ABHD2: variants seen among roughly 807,000 people sequenced by gnomAD.
ABHD2 encodes abhydrolase domain containing 2, acylglycerol lipase, also known as monoacylglycerol lipase ABHD2.
A neutral mutation model predicts 48.1 loss-of-function variants in ABHD2; 20 were observed. That is an observed-to-expected ratio of 0.42 (90% CI 0.29 to 0.60). ABHD2 has a LOEUF of 0.60. Among genes scored for constraint, ABHD2 ranks in the 20% least tolerant of loss-of-function variants. The probability of loss-of-function intolerance (pLI) is 0.24; values close to 1 mark genes in which losing one functional copy is unlikely to be tolerated. For synonymous variants in ABHD2, 209 were observed against 214.2 expected, an observed-to-expected ratio of 0.98 and a Z score of 0.21; for missense variants, 405 against 550.9, an observed-to-expected ratio of 0.74 and a Z score of 2.65.
the ABHD2 span, among the ~76,000 whole-genome samples, chr15:89,062,022 CAG>C: frequency 6.6e-6 from 1 of 152,140 alleles, no homozygotes; most frequent in Non-Finnish European, 1.5e-5. Flanking sequence ...AGTGAGGGAA[CAG>C]TAGGCCAGGC....
chr15:89,191,225 G>C, intron 9 of ABHD2, 76 bp downstream of exon 9: 1 of 1,465,296 alleles, frequency 6.8e-7, no homozygotes, highest in Non-Finnish European at 9.4e-7. Flanking sequence ...TACCTCTCCT[G>C]AATTTTCCTG....
At position 89,159,399 on chromosome 15, in the gene ABHD2, A is replaced by G. The variant is rs936772048; in HGVS notation, c.538+3865A>G. 2.0e-5 allele frequency among the ~76,000 whole-genome samples: 3 copies of G among 152,166 alleles called. No homozygotes were observed. In the East Asian group the frequency reaches 5.8e-4, roughly 29 times the overall value. On this transcript the variant is annotated intron_variant, in intron 5 of 10. Transcript: ENST00000352732. The stretch of plus-strand genomic sequence containing the variant: ...CTCAAAAAAAAAGGAATTACAATAC[A>G]GTGTGATGAGTGGACTAACACAGCG...
At position 89,155,297 on chromosome 15, in the gene ABHD2, A is replaced by C. The variant is rs2050653788; in HGVS notation, c.371-70A>C. 1.3e-6 allele frequency: 2 copies of C among 1,500,858 alleles called. No homozygotes were observed. The highest frequency in any genetic ancestry group is 2.4e-5 in the South Asian group (2 of 82,048). 93.0% of individuals were successfully genotyped at this position (1,500,858 alleles called of 1,614,324 possible). A position where few individuals can be genotyped will look rare whatever the true frequency, so the allele number is the denominator to read the frequency against. On this transcript the variant is annotated intron_variant, in intron 4 of 10. Transcript: ENST00000352732. The surrounding 1 kb of genome is among the most constrained non-coding windows in gnomAD (Gnocchi z 4.9). ...CCTCCCCTTGTTTTCTAGACCAGTG[A>C]AGTGTAATTATGTCCATTTATCATG...
intron 3 of ABHD2, among the ~76,000 whole-genome samples, chr15:89,140,671 C>T (rs1429464131): frequency 1.3e-5 from 2 of 152,128 alleles, no homozygotes; most frequent in African/African-American, 4.8e-5. Flanking sequence ...GCACAGGCCC[C>T]CCCTGTGTGT....
At position 89,120,853 on chromosome 15, in the gene ABHD2, A is replaced by G. The variant is rs2050038988; in HGVS notation, c.194+4332A>G. On this transcript the variant is annotated intron_variant, in intron 3 of 10. Transcript: ENST00000352732. The surrounding 1 kb of genome is among the most constrained non-coding windows in gnomAD (Gnocchi z 4.2). The stretch of plus-strand genomic sequence containing the variant: ...GCAGAAAACCTCCCACGTGAAAAAA[A>G]AAATTATAATTCTACCCAGAGATAA... 1 of 152,252 alleles carries G rather than the reference A, an allele frequency of 6.6e-6. No individual in the cohort carries two copies. The highest frequency in any genetic ancestry group is 1.5e-5 in the Non-Finnish European group (1 of 68,044). The allele number at this position is 152,252 out of a possible 1,614,324, so 9.4% of individuals were successfully genotyped here.
chr15:89,103,576 C>T (rs1032975386), intron 1 of ABHD2, among the ~76,000 whole-genome samples: 1 of 152,158 alleles, frequency 6.6e-6, no homozygotes, highest in Non-Finnish European at 1.5e-5. Flanking sequence ...GCCTCAAAAT[C>T]CTCCAAAAGT....
chr15:89,172,173 C>T (rs555642833), intron 5 of ABHD2, among the ~76,000 whole-genome samples: 9 of 152,188 alleles, frequency 5.9e-5, no homozygotes, highest in Middle Eastern at 3.4e-3. Context: ...AAAATTTCAT[C>T]CTAACCATTT....
Position 89,151,046 on chromosome 15 carries a change from T to A in ABHD2, c.195-631T>A, listed in dbSNP as rs549249516. On this transcript the variant is annotated intron_variant, in intron 3 of 10. Transcript: ENST00000352732. This position sits in a 1 kb window ranked among gnomAD's most constrained non-coding sequence, Gnocchi z 4.7. Reference sequence around the variant, plus strand: ...TGTTAGCGAGGCTTCATGCCTTGCGTAGGCTAACAAGCCTTTATCCTTAAT... The same window carrying A: ...TGTTAGCGAGGCTTCATGCCTTGCGAAGGCTAACAAGCCTTTATCCTTAAT... 1.4e-4 allele frequency among the ~76,000 whole-genome samples: 22 copies of A among 152,392 alleles called. No homozygotes were observed. Among genetic ancestry groups the A allele is most frequent in the African/African-American group, 4.6e-4 (19 of 41,600 alleles).
At chr15:89,181,842 C>T (rs2051120954) in intron 6 of ABHD2, among the ~76,000 whole-genome samples, 2 of 152,218 alleles carry the variant, frequency 1.3e-5, no homozygotes, top group South Asian at 4.1e-4. Flanking sequence ...TCAGCTCTTC[C>T]TTGCCCAAGT....
chr15:89,136,613 C>A, intron 3 of ABHD2: 1 of 180,984 alleles, frequency 5.5e-6, no homozygotes, highest in Non-Finnish European at 1.2e-5. Flanking sequence ...TATCGGGAGC[C>A]AGGTGCAGCC....
At chr15:89,133,289 A>T (rs959806719) in intron 3 of ABHD2, among the ~76,000 whole-genome samples, 1 of 152,246 alleles carries the variant, frequency 6.6e-6, no homozygotes, top group Admixed American at 6.5e-5. Context: ...TTGTTTAACC[A>T]GTCTCCTAGA....
intron 3 of ABHD2, among the ~76,000 whole-genome samples, chr15:89,132,397 G>A (rs1215253562): frequency 2.0e-5 from 3 of 152,104 alleles, no homozygotes; most frequent in Non-Finnish European, 4.4e-5. Context: ...TTATGCAGAC[G>A]TTCAGAACTT....
chr15:89,103,765 G>A (rs1020169671), intron 1 of ABHD2: 1 of 152,224 alleles, frequency 6.6e-6, no homozygotes, highest in African/African-American at 2.4e-5. Context: ...CTACAAGTTG[G>A]GGGCAAAGCT....
intron 5 of ABHD2, among the ~76,000 whole-genome samples, chr15:89,156,115 C>CTTTTTT (rs1185978751): frequency 5.8e-5 from 5 of 85,654 alleles, no homozygotes; most frequent in Non-Finnish European, 1.1e-4. Context: ...TTTTTATTGT[C>CTTTTTT]TTTTTTTTTT....
chr15:89,064,198 A>T, the ABHD2 span, among the ~76,000 whole-genome samples: 1 of 140,058 alleles, frequency 7.1e-6, no homozygotes, highest in African/African-American at 2.7e-5. Context: ...CTTTGTATGT[A>T]TTTATATATA....
the ABHD2 span, among the ~76,000 whole-genome samples, chr15:89,071,558 C>T: frequency 5.3e-5 from 8 of 152,332 alleles, no homozygotes; most frequent in South Asian, 8.3e-4. Flanking sequence ...ACTTAAAACC[C>T]TCCCCTTAAC....
chr15:89,172,024 CT>C (rs750948742), intron 5 of ABHD2, among the ~76,000 whole-genome samples: 8,145 of 121,584 alleles, frequency 0.067, 289 homozygotes, highest in African/African-American at 0.13. Flanking sequence ...ATTTTTCCTG[CT>C]TTTTTTTTAA....
chr15:89,130,163 A>T (rs1471595466), intron 3 of ABHD2, among the ~76,000 whole-genome samples: 1 of 152,266 alleles, frequency 6.6e-6, no homozygotes, highest in Non-Finnish European at 1.5e-5. Context: ...ACATCGTATT[A>T]GTCGAAGTAA....
At chr15:89,126,753 G>A (rs1223482113) in intron 3 of ABHD2, among the ~76,000 whole-genome samples, 1 of 152,204 alleles carries the variant, frequency 6.6e-6, no homozygotes, top group African/African-American at 2.4e-5. Flanking sequence ...GCTGACGGCT[G>A]TTTACGCTTT....
Sources: allele counts gnomAD v4.1 joint callset (sites outside exome capture counted in the v4.1 genomes callset), GRCh38; gene constraint gnomAD v4.1.1; non-coding constraint Gnocchi (gnomAD v3.1); transcripts MANE v1.5; gene names NCBI Gene and HGNC (gene_info 2026-07-23, HGNC 2026-07-21).